The following DOLPP1 variants were observed in gnomAD, a reference collection of about 807,000 sequenced individuals.
DOLPP1 encodes dolichyldiphosphatase 1.
In DOLPP1, 15 loss-of-function variants were observed where a neutral mutation model predicts 34.1. That is an observed-to-expected ratio of 0.44 (90% CI 0.29 to 0.68). The LOEUF (loss-of-function observed/expected upper bound fraction) is 0.68, where lower values mean the gene tolerates loss of function less well. DOLPP1 is among the 30% of genes least tolerant of loss of function. The pLI is 0.12. For synonymous variants in DOLPP1, 130 were observed against 128.2 expected (o/e 1.01, Z -0.10); for missense variants, 249 against 307.1 (o/e 0.81, Z 1.41).
chr9:129,083,489 C>CCTGGGAAGGATGGG (rs1846927764), intron 1 of DOLPP1, among the ~76,000 whole-genome samples: 3 of 152,200 alleles, frequency 2.0e-5, no homozygotes, highest in Admixed American at 2.0e-4. Flanking sequence ...CCAGTCTGAT[C>CCTGGGAAGGATGGG]CTGGGTAGGA....
intron 7 of DOLPP1, among the ~76,000 whole-genome samples, chr9:129,088,065 G>A (rs888359051): frequency 3.3e-5 from 5 of 150,388 alleles, no homozygotes; most frequent in Non-Finnish European, 5.9e-5. Flanking sequence ...CGACGCACCT[G>A]CCTATGTGAT....
At chr9:129,082,987 T>G (rs1327534762) in intron 1 of DOLPP1, among the ~76,000 whole-genome samples, 3 of 152,178 alleles carry the variant, frequency 2.0e-5, no homozygotes, top group African/African-American at 7.2e-5. Flanking sequence ...CTTAGTTGTT[T>G]GTTGAGTTCA....
intron 1 of DOLPP1, among the ~76,000 whole-genome samples, chr9:129,083,077 C>T (rs916955900): frequency 6.6e-6 from 1 of 152,110 alleles, no homozygotes; most frequent in Non-Finnish European, 1.5e-5. Context: ...TCAGGGAACT[C>T]GAGTTTGGTC....
intron 1 of DOLPP1, among the ~76,000 whole-genome samples, chr9:129,083,030 G>T (rs1188051484): frequency 1.3e-5 from 2 of 152,158 alleles, no homozygotes; most frequent in Non-Finnish European, 2.9e-5. Context: ...GGGAAACTGT[G>T]TGCAAAGGTC....
rs1054289129 is a variant in DOLPP1 at position 129,089,322 on chromosome 9, G to A, written c.*315G>A. On this transcript the variant is annotated 3_prime_UTR_variant, in exon 8 of 8. Transcript: ENST00000372546. This position sits in a 1 kb window ranked among gnomAD's most constrained non-coding sequence, Gnocchi z 4.9. ...GGTGTGGGGTGGAGGAGGAGGGCTC[G>A]CGCCTCTGGTCTCGGGGCCAGGAAT... 2.8e-5 allele frequency: 9 copies of A among 321,848 alleles called. No individual in the cohort carries two copies. Among genetic ancestry groups the A allele is most frequent in the South Asian group, 1.1e-4 (2 of 18,606 alleles). The allele number at this position is 321,848 out of a possible 1,614,324, so 19.9% of individuals were successfully genotyped here. A position where few individuals can be genotyped will look rare whatever the true frequency, so the allele number is the denominator to read the frequency against.
rs201678838 is a variant in DOLPP1, at chr9:129,085,171, T to C, written c.263-36T>C. The C allele has an allele frequency of 2.5e-6, 4 of 1,612,000 alleles. No individual in the cohort carries two copies. The African/African-American group carries it at 4.0e-5, about 16-fold the overall frequency. ...TTGGGGCGTTACTGGGAGGTCTGCA[T>C]CCCCCCGTGATGCCCTGGTCTCCTC... On this transcript the variant is annotated intron_variant, in intron 3 of 7. Coordinates refer to ENST00000372546, the MANE Select transcript of DOLPP1 (RefSeq NM_020438.5). This position sits in a 1 kb window ranked among gnomAD's most constrained non-coding sequence, Gnocchi z 7.0.
In DOLPP1 at chr9:129,086,699, G is replaced by C. The variant is rs373123467; in HGVS notation, c.591-10G>C. The C allele has an allele frequency of 1.2e-5, 19 of 1,612,988 alleles. No individual in the cohort carries two copies. In the African/African-American group the frequency reaches 1.5e-4, roughly 12 times the overall value. ...ATGTGCCCCTGGCTCTCTGATGTCT[G>C]TCTCTCCAGGCCTGTCTCCGAGTTC... On this transcript the variant is annotated splice_polypyrimidine_tract_variant and intron_variant, in intron 6 of 7. Coordinates refer to ENST00000372546, the MANE Select transcript of DOLPP1 (RefSeq NM_020438.5).
chr9:129,085,968 G>A lies in DOLPP1; in HGVS notation c.462-171G>A, dbSNP rs1418581122. 6.6e-6 allele frequency among the ~76,000 whole-genome samples: 1 copy of A among 152,222 alleles called. No homozygotes were observed. Among genetic ancestry groups the A allele is most frequent in the South Asian group, 2.1e-4 (1 of 4,836 alleles). On this transcript the variant is annotated intron_variant, in intron 5 of 7. Coordinates refer to ENST00000372546, the MANE Select transcript of DOLPP1 (RefSeq NM_020438.5). The surrounding 1 kb of genome is among the most constrained non-coding windows in gnomAD (Gnocchi z 7.0). ...GGGAGAGCTGTGTTTGGGGTCCAGC[G>A]CCCTCCCACTTGGAAATGGATCTGA...
Position 129,085,593 on chromosome 9 carries a change from G to A in DOLPP1, c.438G>A (p.Val146=), listed in dbSNP as rs1367585257. The change falls in exon 5 of 8, where the codon GTG becomes GTA. Residue 146 remains valine (V), a synonymous_variant. Transcript: ENST00000372546. This position sits in a 1 kb window ranked among gnomAD's most constrained non-coding sequence, Gnocchi z 7.0. Reference sequence around the variant, plus strand: ...TGCTCTCCCTGGGACTCCTCGCTGTGGCCTTCCTAGTCTCCTACAGCAGGT... The same window carrying A: ...TGCTCTCCCTGGGACTCCTCGCTGTAGCCTTCCTAGTCTCCTACAGCAGGT... ...RHVLSLGLLA[V]AFLVSYSRVY... The A allele has an allele frequency of 6.2e-7, 1 of 1,613,078 alleles. No individual in the cohort carries two copies. Among genetic ancestry groups the A allele is most frequent in the Non-Finnish European group, 8.5e-7 (1 of 1,179,732 alleles).
intron 1 of DOLPP1, among the ~76,000 whole-genome samples, chr9:129,082,823 A>C (rs1368308935): frequency 6.6e-6 from 1 of 152,164 alleles, no homozygotes; most frequent in Non-Finnish European, 1.5e-5. Context: ...ATAGAGTGGG[A>C]TATAAAGAGA....
Position 129,089,017 on chromosome 9 carries a change from G to A in DOLPP1, c.*10G>A. ...GACGAAACTGCAGTGACCAGTGGGT[G>A]TGGCTGGGTCCAGCCTCCAGATCTG... On this transcript the variant is annotated 3_prime_UTR_variant, in exon 8 of 8. Coordinates refer to ENST00000372546, the MANE Select transcript of DOLPP1 (RefSeq NM_020438.5). The surrounding 1 kb of genome is among the most constrained non-coding windows in gnomAD (Gnocchi z 4.9). 1.2e-6 allele frequency: 2 copies of A among 1,613,868 alleles called. No individual in the cohort carries two copies. Among genetic ancestry groups the A allele is most frequent in the Non-Finnish European group, 1.7e-6 (2 of 1,179,940 alleles).
chr9:129,082,983 T>G (rs1377985364), intron 1 of DOLPP1, among the ~76,000 whole-genome samples: 1 of 152,088 alleles, frequency 6.6e-6, no homozygotes, highest in Non-Finnish European at 1.5e-5. Context: ...GGTTCTTAGT[T>G]GTTTGTTGAG....
chr9:129,085,705 A>C lies in DOLPP1; in HGVS notation c.461+89A>C. 1 of 1,054,534 alleles carries C rather than the reference A, an allele frequency of 9.5e-7. No homozygotes were observed. The highest frequency in any genetic ancestry group is 1.4e-6 in the Non-Finnish European group (1 of 723,282). The allele number at this position is 1,054,534 out of a possible 1,614,324, so 65.3% of individuals were successfully genotyped here. ...CCTGTCGGACCCCACCATGGACCCT[A>C]GTCCCAGAACCTGTAGTGCAGGACT... On this transcript the variant is annotated intron_variant, in intron 5 of 7. Coordinates refer to ENST00000372546, the MANE Select transcript of DOLPP1 (RefSeq NM_020438.5). This position sits in a 1 kb window ranked among gnomAD's most constrained non-coding sequence, Gnocchi z 7.0.
intron 1 of DOLPP1, 67 bp from the exon 2 acceptor site, chr9:129,084,601 G>T: frequency 8.5e-7 from 1 of 1,170,862 alleles, no homozygotes. Flanking sequence ...GGCCTTACTT[G>T]TAGGGGGCTG....
chr9:129,081,309 G>C, intron 1 of DOLPP1, 102 bp downstream of exon 1: 1 of 1,457,814 alleles, frequency 6.9e-7, no homozygotes, highest in Admixed American at 2.0e-5. Flanking sequence ...CCGGGGGACC[G>C]GGGTGGGAAC....
Position 129,088,988 on chromosome 9 carries a change from T to C in DOLPP1, c.698T>C (p.Leu233Pro). The C allele has an allele frequency of 6.2e-7, 1 of 1,613,880 alleles. No homozygotes were observed. Among genetic ancestry groups the C allele is most frequent in the Non-Finnish European group, 8.5e-7 (1 of 1,179,972 alleles). ...TTTTGCAGGAACAGACAACGCAAGC[T>C]GGGGACGAAACTGCAGTGACCAGTG... is the stretch of plus-strand genomic sequence containing the variant. ...RAEARNRQRKLGTKLQ is the reference protein window; with the variant it reads ...RAEARNRQRKPGTKLQ The change falls in exon 8 of 8, where the codon CTG (leucine) becomes CCG (proline). Residue 233 changes from leucine (L) to proline (P), a missense_variant. By Grantham distance (98) the Leu-to-Pro change is moderately conservative (BLOSUM62 -3). Transcript: ENST00000372546.
chr9:129,086,865 G>GCAGA, intron 7 of DOLPP1, 67 bp downstream of exon 7: 1 of 1,427,448 alleles, frequency 7.0e-7, no homozygotes, highest in Non-Finnish European at 9.9e-7. Flanking sequence ...ATGTTTGGAG[G>GCAGA]GCTCTCCGGG....
In DOLPP1 at chr9:129,085,670, G is replaced by T; in HGVS notation, c.461+54G>T. On this transcript the variant is annotated intron_variant, in intron 5 of 7. Transcript: ENST00000372546. The surrounding 1 kb of genome is among the most constrained non-coding windows in gnomAD (Gnocchi z 7.0). ...ACCCTGCCCATGTGGGGTCCTGCTG[G>T]TTCCTGGTCCCTGTCGGACCCCACC... 1.4e-6 allele frequency: 2 copies of T among 1,460,860 alleles called. No individual in the cohort carries two copies. The highest frequency in any genetic ancestry group is 1.9e-6 in the Non-Finnish European group (2 of 1,062,734). The allele number at this position is 1,460,860 out of a possible 1,614,324, so 90.5% of individuals were successfully genotyped here.
rs1564149366 is a variant in DOLPP1 at position 129,085,737 on chromosome 9, G to A, written c.461+121G>A. ...GAACCTGTAGTGCAGGACTGGAAAA[G>A]GGGTCCCAGACCTCTAGTTTTAAAA... On this transcript the variant is annotated intron_variant, in intron 5 of 7. Transcript: ENST00000372546. This position sits in a 1 kb window ranked among gnomAD's most constrained non-coding sequence, Gnocchi z 7.0. 1 of 762,544 alleles carries A rather than the reference G, an allele frequency of 1.3e-6. No homozygotes were observed. The highest frequency in any genetic ancestry group is 2.1e-6 in the Non-Finnish European group (1 of 482,108). 47.2% of individuals were successfully genotyped at this position (762,544 alleles called of 1,614,324 possible). A position where few individuals can be genotyped will look rare whatever the true frequency, so the allele number is the denominator to read the frequency against.
Sources: gnomAD v4.1 joint callset for allele counts (sites outside exome capture counted in the v4.1 genomes callset) on GRCh38, gnomAD v4.1.1 for gene constraint, Gnocchi (gnomAD v3.1) non-coding constraint, MANE v1.5 for transcripts, NCBI Gene and HGNC (gene_info 2026-07-23, HGNC 2026-07-21) for gene names.